Variants in GTF2F1 observed in about 807,000 individuals in gnomAD.
The protein encoded by GTF2F1 is general transcription factor IIF 74 kDa subunit.
Under a neutral mutation model 63.5 loss-of-function variants are expected in GTF2F1, and 39 were observed. The ratio of observed to expected loss-of-function variants is 0.61; its 90% confidence interval spans 0.48 to 0.80. The LOEUF (loss-of-function observed/expected upper bound fraction) is 0.80, where lower values mean the gene tolerates loss of function less well. Ranked by LOEUF, GTF2F1 falls within the 30% of genes least tolerant of loss-of-function variation. The pLI is 0.00. For missense variants in GTF2F1, 657 were observed against 718.3 expected (o/e 0.91, Z 0.97); for synonymous variants, 287 against 285.3 (o/e 1.01, Z -0.06).
intron 4 of GTF2F1, among the ~76,000 whole-genome samples, chr19:6,388,353 T>C (rs946089626): frequency 7.9e-5 from 12 of 152,184 alleles, no homozygotes; most frequent in African/African-American, 2.7e-4. Context: ...CCGGACAGTC[T>C]GGGTGAGTGC....
At position 6,381,018 on chromosome 19, in the gene GTF2F1, C is replaced by T; in HGVS notation, c.1117G>A (p.Glu373Lys). 2.5e-6 allele frequency: 4 copies of T among 1,611,896 alleles called. No individual in the cohort carries two copies. Among genetic ancestry groups the T allele is most frequent in the Non-Finnish European group, 3.4e-6 (4 of 1,179,198 alleles). The change falls in exon 11 of 13, where the codon GAG (glutamate) becomes AAG (lysine). Residue 373 changes from glutamate (E) to lysine (K), a missense_variant. Coordinates refer to ENST00000394456, the MANE Select transcript of GTF2F1 (RefSeq NM_002096.3). The surrounding 1 kb of genome is among the most constrained non-coding windows in gnomAD (Gnocchi z 4.1). ...GAGCTCCCTCCCGACGGCTTCCGCT[C>T]TCTCTTGGGTGGCGTCTTCTTCTTC... ...MAKKKTPPKRERKPSGGSSRG... is the reference protein window; with the variant it reads ...MAKKKTPPKRKRKPSGGSSRG...
intron 4 of GTF2F1, among the ~76,000 whole-genome samples, chr19:6,389,233 C>G (rs1032545330): frequency 5.3e-5 from 8 of 151,456 alleles, no homozygotes; most frequent in Admixed American, 3.9e-4. Flanking sequence ...AAGACTCTGT[C>G]TCAAAAAAAT....
intron 5 of GTF2F1, among the ~76,000 whole-genome samples, chr19:6,384,774 GTTCTT>G (rs369168009): frequency 0.02 from 3,086 of 151,866 alleles, 62 homozygotes; most frequent in African/African-American, 0.057. Context: ...ATCACCATTT[GTTCTT>G]TTCTTTTCTT....
chr19:6,381,575 G>T lies in GTF2F1; in HGVS notation c.877C>A (p.Gln293Lys), dbSNP rs200800402. Residue 293 changes from glutamine (Q) to lysine (K), a missense_variant, in exon 8 of 13, where the codon CAG (glutamine) becomes AAG (lysine). By Grantham distance (53) the Gln-to-Lys change is moderately conservative. Around this residue, in one of 2 missense-constraint regions of GTF2F1, gnomAD observed 602 missense variants for 625.6 expected, o/e 0.96. Transcript: ENST00000394456. The surrounding 1 kb of genome is among the most constrained non-coding windows in gnomAD (Gnocchi z 4.1). ...EEPESKAKAP[Q>K]QEEGPKGVDE... The stretch of plus-strand genomic sequence containing the variant: ...CTACCCTTGGGCCCCTCCTCCTGCT[G>T]CGGCGCCTTGGCCTTGCTCTCAGGC... The T allele has an allele frequency of 1.2e-5, 19 of 1,613,572 alleles. No homozygotes were observed. The East Asian group carries it at 4.0e-4, about 34-fold the overall frequency.
intron 3 of GTF2F1, among the ~76,000 whole-genome samples, chr19:6,390,879 AAAAAT>A (rs1405788462): frequency 6.6e-6 from 1 of 152,190 alleles, no homozygotes; most frequent in Non-Finnish European, 1.5e-5. Flanking sequence ...TCCATCACAA[AAAAAT>A]AAAATAAAAT....
chr19:6,381,068 G>A lies in GTF2F1; in HGVS notation c.1093-26C>T, dbSNP rs777072677. On this transcript the variant is annotated intron_variant, in intron 10 of 12. Transcript: ENST00000394456. The surrounding 1 kb of genome is among the most constrained non-coding windows in gnomAD (Gnocchi z 4.1). The stretch of plus-strand genomic sequence containing the variant: ...CTGCAGAGGTCAGGGTTGGGAGGTG[G>A]GTGAGTCTGCAAACAGACGCCCAGG... 3.7e-6 allele frequency: 6 copies of A among 1,609,952 alleles called. No homozygotes were observed. The Admixed American group carries it at 8.4e-5, about 23-fold the overall frequency.
intron 5 of GTF2F1, among the ~76,000 whole-genome samples, chr19:6,386,259 C>T (rs896581745): frequency 4.0e-5 from 6 of 151,026 alleles, no homozygotes; most frequent in Non-Finnish European, 7.4e-5. Flanking sequence ...TGGTGCATGC[C>T]TGTAATCCCA....
In GTF2F1 at chr19:6,389,432, C is replaced by T; in HGVS notation, c.326+12G>A. 6.2e-7 allele frequency: 1 copy of T among 1,611,772 alleles called. No individual in the cohort carries two copies. Among genetic ancestry groups the T allele is most frequent in the Non-Finnish European group, 8.5e-7 (1 of 1,178,182 alleles). On this transcript the variant is annotated intron_variant, in intron 4 of 12. Coordinates refer to ENST00000394456, the MANE Select transcript of GTF2F1 (RefSeq NM_002096.3). Reference sequence around the variant, plus strand: ...GTCACTAAGCCGGCACCGCCACCGCCCCACCACTTACTTCCTGCCTGATTT... The same window carrying T: ...GTCACTAAGCCGGCACCGCCACCGCTCCACCACTTACTTCCTGCCTGATTT...
In GTF2F1 at chr19:6,381,032, G is replaced by A. The variant is rs147291523; in HGVS notation, c.1103C>T (p.Thr368Met). ...SSALFMAKKK[T>M]PPKRERKPSG... is the part of the protein sequence containing the mutation. ...CGGCTTCCGCTCTCTCTTGGGTGGC[G>A]TCTTCTTCTTCTGCAGAGGTCAGGG... Residue 368 changes from threonine (T) to methionine (M), a missense_variant, in exon 11 of 13, where the codon ACG becomes ATG. Thr to Met is a moderately conservative substitution (Grantham distance 81). This residue lies in a region of GTF2F1 where 602 missense variants were observed against 625.6 expected (regional missense o/e 0.96). Coordinates refer to ENST00000394456, the MANE Select transcript of GTF2F1 (RefSeq NM_002096.3). This position sits in a 1 kb window ranked among gnomAD's most constrained non-coding sequence, Gnocchi z 4.1. The A allele has an allele frequency of 3.3e-5, 53 of 1,611,518 alleles. No individual in the cohort carries two copies. Among genetic ancestry groups the A allele is most frequent in the Admixed American group, 1.2e-4 (7 of 59,666 alleles).
At position 6,383,002 on chromosome 19, in the gene GTF2F1, A is replaced by G. The variant is rs2091959589; in HGVS notation, c.682+309T>C. ...ACACAACCTCTATCTCACGGGTTCA[A>G]GCAATTCTCCTGCCTCAGTCTCCCG... On this transcript the variant is annotated intron_variant, in intron 6 of 12. Transcript: ENST00000394456. This position sits in a 1 kb window ranked among gnomAD's most constrained non-coding sequence, Gnocchi z 4.5. Among the ~76,000 whole-genome samples, 2 of 152,008 alleles carry G rather than the reference A, an allele frequency of 1.3e-5. No homozygotes were observed. The highest frequency in any genetic ancestry group is 2.4e-5 in the African/African-American group (1 of 41,404).
At position 6,383,214 on chromosome 19, in the gene GTF2F1, C is replaced by T; in HGVS notation, c.682+97G>A. 1 of 1,327,588 alleles carries T rather than the reference C, an allele frequency of 7.5e-7. No homozygotes were observed. The highest frequency in any genetic ancestry group is 1.1e-6 in the Non-Finnish European group (1 of 947,588). The allele number at this position is 1,327,588 out of a possible 1,614,324, so 82.2% of individuals were successfully genotyped here. A position where few individuals can be genotyped will look rare whatever the true frequency, so the allele number is the denominator to read the frequency against. On this transcript the variant is annotated intron_variant, in intron 6 of 12. Transcript: ENST00000394456. The surrounding 1 kb of genome is among the most constrained non-coding windows in gnomAD (Gnocchi z 4.5). Reference sequence around the variant, plus strand: ...ACTGTGCCCGGCCCCACTTGCCTCTCATTCTAGGGCCACTGTGAGCGATGG... The same window carrying T: ...ACTGTGCCCGGCCCCACTTGCCTCTTATTCTAGGGCCACTGTGAGCGATGG...
chr19:6,390,648 G>T (rs1433270842), intron 3 of GTF2F1, among the ~76,000 whole-genome samples: 1 of 151,752 alleles, frequency 6.6e-6, no homozygotes, highest in South Asian at 2.1e-4. Flanking sequence ...GGAAGGCTGA[G>T]GCGGGTGGAT....
chr19:6,381,070 T>C lies in GTF2F1; in HGVS notation c.1093-28A>G, dbSNP rs748693442. ...GCAGAGGTCAGGGTTGGGAGGTGGGTGAGTCTGCAAACAGACGCCCAGGCC... is the reference window on the plus strand; with the variant it reads ...GCAGAGGTCAGGGTTGGGAGGTGGGCGAGTCTGCAAACAGACGCCCAGGCC... On this transcript the variant is annotated intron_variant, in intron 10 of 12. Transcript: ENST00000394456. The surrounding 1 kb of genome is among the most constrained non-coding windows in gnomAD (Gnocchi z 4.1). 23 of 1,609,540 alleles carry C rather than the reference T, an allele frequency of 1.4e-5. No homozygotes were observed. The highest frequency in any genetic ancestry group is 8.5e-7 in the Non-Finnish European group (1 of 1,178,098).
rs1012469700 is a variant in GTF2F1 at position 6,380,069 on chromosome 19, G to A, written c.*212C>T. ...AACAGGCATCTGAAGATTCCAGAAG[G>A]AAGGGCCAGAGGAGGAGATGGCTTA... is the stretch of plus-strand genomic sequence containing the variant. On this transcript the variant is annotated 3_prime_UTR_variant, in exon 13 of 13. Transcript: ENST00000394456. The surrounding 1 kb of genome is among the most constrained non-coding windows in gnomAD (Gnocchi z 5.3). 6.6e-6 allele frequency: 4 copies of A among 606,848 alleles called. No homozygotes were observed. Among genetic ancestry groups the A allele is most frequent in the Non-Finnish European group, 1.2e-5 (4 of 340,662 alleles). The allele number at this position is 606,848 out of a possible 1,614,324, so 37.6% of individuals were successfully genotyped here. A position where few individuals can be genotyped will look rare whatever the true frequency, so the allele number is the denominator to read the frequency against.
Position 6,381,398 on chromosome 19 carries a change from T to TCTC in GTF2F1, c.976_978dup (p.Glu326dup), listed in dbSNP as rs753012629. On this transcript the variant is annotated inframe_insertion, in exon 9 of 13. Transcript: ENST00000394456. The surrounding 1 kb of genome is among the most constrained non-coding windows in gnomAD (Gnocchi z 4.1). ...TTCTCCTGCGGGGTGGGTGCCTTCT[T>TCTC]CTCCTCCTCCTCCTCCTTGTCCTCC... is the stretch of plus-strand genomic sequence containing the variant. 10 of 1,609,810 alleles carry TCTC rather than the reference T, an allele frequency of 6.2e-6. No individual in the cohort carries two copies. The highest frequency in any genetic ancestry group is 2.2e-5 in the East Asian group (1 of 44,858).
intron 4 of GTF2F1, 22 bp downstream of exon 4, chr19:6,389,422 C>T: frequency 1.9e-6 from 3 of 1,607,890 alleles, no homozygotes; most frequent in Non-Finnish European, 2.6e-6. Context: ...TAAGCCGGCA[C>T]CGCCACCGCC....
At chr19:6,388,279 T>C (rs117699413) in intron 4 of GTF2F1, among the ~76,000 whole-genome samples, 2,539 of 152,234 alleles carry the variant, frequency 0.017, 24 homozygotes, top group Non-Finnish European at 0.027. Context: ...CACCATTTCC[T>C]CAAGCCTAAA....
At chr19:6,382,776 T>TGA (rs574502965) in intron 6 of GTF2F1, among the ~76,000 whole-genome samples, 13 of 133,920 alleles carry the variant, frequency 9.7e-5, no homozygotes, top group South Asian at 4.7e-4. Context: ...CCAGCCCATG[T>TGA]GAGAGAGAGA....
intron 6 of GTF2F1, among the ~76,000 whole-genome samples, chr19:6,382,844 G>A (rs937553738): frequency 9.3e-5 from 14 of 149,854 alleles, no homozygotes; most frequent in East Asian, 1.9e-4. Flanking sequence ...CAGCTCTCCC[G>A]GGCTCTGGCC....
Sources: gnomAD v4.1 joint callset for allele counts (sites outside exome capture counted in the v4.1 genomes callset) on GRCh38, gnomAD v4.1.1 for gene constraint, gnomAD v4.1.1 regional missense constraint, Gnocchi (gnomAD v3.1) non-coding constraint, MANE v1.5 for transcripts, NCBI Gene and HGNC (gene_info 2026-07-23, HGNC 2026-07-21) for gene names.